The following AHCTF1 variants were observed in gnomAD, a reference collection of about 807,000 sequenced individuals.
AHCTF1 encodes protein ELYS.
A neutral mutation model predicts 248.4 loss-of-function variants in AHCTF1; 24 were observed. The ratio of observed to expected loss-of-function variants is 0.10; its 90% CI spans 0.07 to 0.14. The LOEUF (loss-of-function observed/expected upper bound fraction) is 0.14, where lower values mean the gene tolerates loss of function less well. Among genes scored for constraint, AHCTF1 ranks in the 10% least tolerant of loss-of-function variants. AHCTF1 has a pLI of 1.00. For missense variants in AHCTF1, 2,206 were observed against 2,636.2 expected, an observed-to-expected ratio of 0.84 and a Z score of 3.57; for synonymous variants, 786 against 929.8, an observed-to-expected ratio of 0.85 and a Z score of 2.81.
chr1:246,905,377 AG>A (rs1665306732), intron 6 of AHCTF1, among the ~76,000 whole-genome samples, 163 bp downstream of exon 6: 1 of 152,188 alleles, frequency 6.6e-6, no homozygotes. Context: ...AGGCACCTGT[AG>A]TCCCAGCTAC....
chr1:246,920,660 C>T (rs963301760), intron 1 of AHCTF1, among the ~76,000 whole-genome samples: 10 of 151,864 alleles, frequency 6.6e-5, no homozygotes, highest in Middle Eastern at 3.4e-3. Flanking sequence ...GTTCCAGCTA[C>T]TCGGGAGGCT....
rs1197361540 is a variant in AHCTF1, at chr1:246,916,738, T to G, written c.122-343A>C. Among the ~76,000 whole-genome samples the G allele has an allele frequency of 2.0e-5, 3 of 152,090 alleles. No individual in the cohort carries two copies. The East Asian group carries it at 5.8e-4, about 29-fold the overall frequency. On this transcript the variant is annotated intron_variant, in intron 2 of 35. Transcript: ENST00000648844. ...TATCTCATTTATTCCTTATCACACC[T>G]CAATGTAGAGATAAGGCAGCTAAAC...
chr1:246,900,310 A>C, intron 9 of AHCTF1, 27 bp downstream of exon 9: 1 of 1,582,972 alleles, frequency 6.3e-7, no homozygotes. Context: ...ACAAAGAGAA[A>C]GGAGAGAGAA....
chr1:246,906,712 T>C (rs1055976301), intron 5 of AHCTF1, among the ~76,000 whole-genome samples: 5 of 152,004 alleles, frequency 3.3e-5, no homozygotes, highest in Admixed American at 2.0e-4. Flanking sequence ...ACAAATAAAT[T>C]GACAACTTAA....
intron 1 of AHCTF1, among the ~76,000 whole-genome samples, chr1:246,922,786 T>C (rs558080917): frequency 2.7e-5 from 4 of 149,906 alleles, no homozygotes; most frequent in African/African-American, 4.9e-5. Flanking sequence ...ATCGAGACCA[T>C]CCTGGATAAC....
chr1:246,894,827 G>T, intron 13 of AHCTF1, 79 bp from the exon 14 acceptor site: 4 of 1,218,646 alleles, frequency 3.3e-6, no homozygotes, highest in Non-Finnish European at 4.8e-6. Flanking sequence ...GGAGAAGCAT[G>T]GCAGACAGCA....
intron 1 of AHCTF1, among the ~76,000 whole-genome samples, chr1:246,929,217 T>C (rs953867972): frequency 1.1e-4 from 17 of 152,050 alleles, no homozygotes; most frequent in African/African-American, 3.6e-4. Context: ...GAGATCACCC[T>C]GGGCAACATG....
chr1:246,926,614 G>A (rs542036794), intron 1 of AHCTF1, among the ~76,000 whole-genome samples: 26 of 152,288 alleles, frequency 1.7e-4, no homozygotes, highest in African/African-American at 4.6e-4. Context: ...CCAGCACTTC[G>A]GAAAGCTGAG....
At chr1:246,908,231 T>C (rs1665533022) in intron 4 of AHCTF1, among the ~76,000 whole-genome samples, 2 of 150,068 alleles carry the variant, frequency 1.3e-5, no homozygotes, top group Admixed American at 6.7e-5. Flanking sequence ...GAAGGGGCTC[T>C]CATTACCAAT....
At chr1:246,872,051 CAAAAA>C (rs753977798) in intron 24 of AHCTF1, among the ~76,000 whole-genome samples, 2 of 83,732 alleles carry the variant, frequency 2.4e-5, no homozygotes, top group African/African-American at 7.4e-5. Flanking sequence ...CTATTAATGA[CAAAAA>C]AAAAAAAAAA....
In AHCTF1 at chr1:246,839,468, A is replaced by G. The variant is rs1450204188; in HGVS notation, c.*1338T>C. On this transcript the variant is annotated 3_prime_UTR_variant, in exon 36 of 36. Transcript: ENST00000648844. ...AATACAAGTTTGATAACTATCATTA[A>G]AAAAGTAATAAAATCAAAGTCAGTG... 2.2e-6 allele frequency: 2 copies of G among 899,404 alleles called. No homozygotes were observed. Among genetic ancestry groups the G allele is most frequent in the Non-Finnish European group, 2.7e-6 (2 of 751,892 alleles). 55.7% of individuals were successfully genotyped at this position (899,404 alleles called of 1,614,324 possible). A position where few individuals can be genotyped will look rare whatever the true frequency, so the allele number is the denominator to read the frequency against.
intron 13 of AHCTF1, among the ~76,000 whole-genome samples, chr1:246,895,362 GA>G (rs1248190455): frequency 1.3e-5 from 2 of 151,918 alleles, no homozygotes; most frequent in Non-Finnish European, 2.9e-5. Flanking sequence ...AAATGGTTCA[GA>G]AAAAAAACTA....
Position 246,855,782 on chromosome 1 carries a change from T to C in AHCTF1, c.4302A>G (p.Gly1434=), listed in dbSNP as rs369099199. The change falls in exon 31 of 36, where the codon GGA becomes GGG. Residue 1434 remains glycine (G), a synonymous_variant. Coordinates refer to ENST00000648844, the MANE Select transcript of AHCTF1 (RefSeq NM_001323342.2). The part of the protein sequence containing the change: ...QKSKVPVLDE[G]LTSVETYTPA... Reference sequence around the variant, plus strand: ...GGGTGTAGGTTTCAACAGATGTTAATCCTTCGTCCAACACTGGTACCTTGG... The same window carrying C: ...GGGTGTAGGTTTCAACAGATGTTAACCCTTCGTCCAACACTGGTACCTTGG... 2.5e-6 allele frequency: 4 copies of C among 1,613,698 alleles called. No homozygotes were observed. Among genetic ancestry groups the C allele is most frequent in the Admixed American group, 1.7e-5 (1 of 59,976 alleles).
intron 33 of AHCTF1, among the ~76,000 whole-genome samples, chr1:246,844,906 T>C (rs1660139416): frequency 6.6e-6 from 1 of 151,216 alleles, no homozygotes; most frequent in Admixed American, 6.6e-5. Context: ...CCGGAGTAAA[T>C]CCCAGCTTCT....
intron 1 of AHCTF1, among the ~76,000 whole-genome samples, chr1:246,925,429 G>C (rs1666860005): frequency 6.6e-6 from 1 of 152,142 alleles, no homozygotes; most frequent in African/African-American, 2.4e-5. Context: ...AGATGATATA[G>C]AAGTACTAGC....
At chr1:246,862,709 G>C (rs1661659798) in intron 27 of AHCTF1, among the ~76,000 whole-genome samples, 2 of 142,464 alleles carry the variant, frequency 1.4e-5, no homozygotes, top group Admixed American at 1.5e-4. Flanking sequence ...AACTAAAAAA[G>C]TGCCAATTAG....
In AHCTF1 at chr1:246,899,448, T is replaced by C. The variant is rs764568360; in HGVS notation, c.1494+3A>G. ...AATTAAGAAATCACTAGTTGTTACC[T>C]ACCTCCTTCTGAAAGCCAGTACAAG... On this transcript the variant is annotated splice_donor_region_variant and intron_variant, in intron 11 of 35. Coordinates refer to ENST00000648844, the MANE Select transcript of AHCTF1 (RefSeq NM_001323342.2). 1.1e-4 allele frequency: 174 copies of C among 1,603,612 alleles called. No homozygotes were observed. The highest frequency in any genetic ancestry group is 1.4e-4 in the Non-Finnish European group (169 of 1,174,772).
rs760109268 is a variant in AHCTF1 at position 246,850,229 on chromosome 1, C to T, written c.5777G>A (p.Ser1926Asn). Reference protein sequence around the residue: ...NTGNKQDDKSSDKQLRIKHVR... With the variant: ...NTGNKQDDKSNDKQLRIKHVR... ...ATGTTTAATACGCAGCTGCTTGTCACTGGATTTATCATCTTGCTTATTTCC... is the reference window on the plus strand; with the variant it reads ...ATGTTTAATACGCAGCTGCTTGTCATTGGATTTATCATCTTGCTTATTTCC... The change falls in exon 33 of 36, where the codon AGT becomes AAT. Residue 1926 changes from serine (S) to asparagine (N), a missense_variant. Physicochemically the swap from Ser to Asn is conservative, Grantham distance 46. Around this residue, in one of 6 missense-constraint regions of AHCTF1, gnomAD observed 469 missense variants for 470.0 expected, o/e 1.00. Coordinates refer to ENST00000648844, the MANE Select transcript of AHCTF1 (RefSeq NM_001323342.2). 2.5e-6 allele frequency: 4 copies of T among 1,613,906 alleles called. No individual in the cohort carries two copies. In the South Asian group the frequency reaches 4.4e-5, roughly 18 times the overall value.
At chr1:246,860,804 G>A in intron 29 of AHCTF1, 95 bp downstream of exon 29, 13 of 1,487,924 alleles carry the variant, frequency 8.7e-6, no homozygotes, top group Non-Finnish European at 1.1e-5. Flanking sequence ...ACAGTACCTG[G>A]CTAGGATGCT....
Sources: allele counts gnomAD v4.1 joint callset (sites outside exome capture counted in the v4.1 genomes callset), GRCh38; gene constraint gnomAD v4.1.1; regional missense constraint gnomAD v4.1.1; transcripts MANE v1.5; gene names NCBI Gene and HGNC (gene_info 2026-07-23, HGNC 2026-07-21).